WNT2B: variants seen among roughly 807,000 people sequenced by gnomAD.
WNT2B encodes the protein protein Wnt-2b.
In WNT2B, 19 loss-of-function variants were observed where a neutral mutation model predicts 40.5. The ratio of observed to expected loss-of-function variants is 0.47; its 90% confidence interval spans 0.33 to 0.69. The LOEUF is 0.69. WNT2B is among the 30% of genes least tolerant of loss of function. The pLI is 0.02. For synonymous variants in WNT2B, 220 were observed against 211.9 expected, an observed-to-expected ratio of 1.04 and a Z score of -0.33; for missense variants, 467 against 556.4, an observed-to-expected ratio of 0.84 and a Z score of 1.62.
At chr1:112,489,685 C>T (rs989294373) in intron 1 of WNT2B, among the ~76,000 whole-genome samples, 1 of 152,208 alleles carries the variant, frequency 6.6e-6, no homozygotes, top group Non-Finnish European at 1.5e-5. Flanking sequence ...GGATATATTT[C>T]CTCATCCCAT....
intron 1 of WNT2B, among the ~76,000 whole-genome samples, chr1:112,472,147 T>C (rs569028026): frequency 2.0e-5 from 3 of 152,324 alleles, no homozygotes; most frequent in Admixed American, 6.5e-5. Context: ...AAGTGAGTCT[T>C]ATAATTGCCC....
In WNT2B at chr1:112,525,240, GC is replaced by G. The variant is rs1278256912; in HGVS notation, c.*4732del. The stretch of plus-strand genomic sequence containing the variant: ...CTTAACTGGGTTAGAAAACTGGAGA[GC>G]TTTGGATTCCAGGGATGATCTCCAT... On this transcript the variant is annotated 3_prime_UTR_variant, in exon 5 of 5. Transcript: ENST00000369684. The G allele has an allele frequency of 6.6e-6, 1 of 152,234 alleles. No homozygotes were observed. Among genetic ancestry groups the G allele is most frequent in the East Asian group, 1.9e-4 (1 of 5,200 alleles). 9.4% of individuals were successfully genotyped at this position (152,234 alleles called of 1,614,324 possible). A position where few individuals can be genotyped will look rare whatever the true frequency, so the allele number is the denominator to read the frequency against.
In WNT2B at chr1:112,523,268, A is replaced by G. The variant is rs561755757; in HGVS notation, c.*2759A>G. The stretch of plus-strand genomic sequence containing the variant: ...GGGCTCCAAATTCTAGCTCATAAAG[A>G]TGCAAGTTTTGCAATTTCCTATAAA... On this transcript the variant is annotated 3_prime_UTR_variant, in exon 5 of 5. Coordinates refer to ENST00000369684, the MANE Select transcript of WNT2B (RefSeq NM_024494.3). The G allele has an allele frequency of 6.6e-6, 1 of 152,324 alleles. No homozygotes were observed. The highest frequency in any genetic ancestry group is 1.5e-5 in the Non-Finnish European group (1 of 68,050). The allele number at this position is 152,324 out of a possible 1,614,324, so 9.4% of individuals were successfully genotyped here.
At chr1:112,491,582 GAGTT>G (rs1651606544) in intron 1 of WNT2B, among the ~76,000 whole-genome samples, 1 of 151,950 alleles carries the variant, frequency 6.6e-6, no homozygotes, top group Non-Finnish European at 1.5e-5. Context: ...TAAACACAAA[GAGTT>G]AGAAGGATTG....
intron 1 of WNT2B, among the ~76,000 whole-genome samples, chr1:112,473,021 G>A (rs1650931077): frequency 7.8e-6 from 1 of 127,840 alleles, no homozygotes; most frequent in South Asian, 2.7e-4. Context: ...GAGAGAGAGA[G>A]GGAAGGAGGG....
At chr1:112,520,160 G>A in intron 4 of WNT2B, 120 bp from the exon 5 acceptor site, 1 of 926,198 alleles carries the variant, frequency 1.1e-6, no homozygotes. Flanking sequence ...GCATGAGTGA[G>A]CCACTGTGCC....
chr1:112,512,883 G>A (rs1276887858), intron 1 of WNT2B, among the ~76,000 whole-genome samples: 1 of 152,214 alleles, frequency 6.6e-6, no homozygotes, highest in East Asian at 1.9e-4. Context: ...ACTTAGTGGA[G>A]TAAGGGTGGT....
chr1:112,477,231 T>C (rs1651079577), intron 1 of WNT2B, among the ~76,000 whole-genome samples: 1 of 152,198 alleles, frequency 6.6e-6, no homozygotes, highest in East Asian at 1.9e-4. Flanking sequence ...GCTGAGGGCC[T>C]CCAGAGCCAT....
chr1:112,467,741 A>G, intron 1 of WNT2B: 1 of 607,248 alleles, frequency 1.6e-6, no homozygotes, highest in Non-Finnish European at 3.0e-6. Flanking sequence ...CGTAGTATGT[A>G]TAATGGTCAA....
chr1:112,529,802 T>C lies in WNT2B; in HGVS notation c.*9293T>C, dbSNP rs777649629. ...ACTATGCTCATTATTTTCAACCAAG[T>C]TCTATGGAGGTGGTACCTTCACAGG... On this transcript the variant is annotated 3_prime_UTR_variant, in exon 5 of 5. Transcript: ENST00000369684. 1.5e-4 allele frequency: 22 copies of C among 150,172 alleles called. No homozygotes were observed. Among genetic ancestry groups the C allele is most frequent in the Non-Finnish European group, 3.0e-4 (20 of 67,700 alleles). The allele number at this position is 150,172 out of a possible 1,614,324, so 9.3% of individuals were successfully genotyped here.
chr1:112,525,832 G>C lies in WNT2B; in HGVS notation c.*5323G>C, dbSNP rs571596102. The stretch of plus-strand genomic sequence containing the variant: ...TCATCTACAGTTGTCCTTTTTGACA[G>C]CTTCCAAGGGGGGTTTGCCTAGGAA... On this transcript the variant is annotated 3_prime_UTR_variant, in exon 5 of 5. Transcript: ENST00000369684. 5 of 728,440 alleles carry C rather than the reference G, an allele frequency of 6.9e-6. No individual in the cohort carries two copies. The highest frequency in any genetic ancestry group is 5.8e-5 in the East Asian group (2 of 34,278). 45.1% of individuals were successfully genotyped at this position (728,440 alleles called of 1,614,324 possible).
chr1:112,529,158 GTGTGTGTGTT>G lies in WNT2B; in HGVS notation c.*8657_*8666del, dbSNP rs1570842308. On this transcript the variant is annotated 3_prime_UTR_variant, in exon 5 of 5. Transcript: ENST00000369684. Reference sequence around the variant, plus strand: ...GGTCTGACCCAGTGTGGCACTGAGTGTGTGTGTGTTTGTGTGTTTGTGTGTGTGTGTACAC... The same window carrying G: ...GGTCTGACCCAGTGTGGCACTGAGTGTGTGTGTTTGTGTGTGTGTGTACAC... 1 of 152,122 alleles carries G rather than the reference GTGTGTGTGTT, an allele frequency of 6.6e-6. No individual in the cohort carries two copies. Among genetic ancestry groups the G allele is most frequent in the Non-Finnish European group, 1.5e-5 (1 of 68,028 alleles). 9.4% of individuals were successfully genotyped at this position (152,122 alleles called of 1,614,324 possible).
At chr1:112,519,830 T>C (rs1453362257) in intron 4 of WNT2B, among the ~76,000 whole-genome samples, 2 of 151,698 alleles carry the variant, frequency 1.3e-5, no homozygotes, top group Non-Finnish European at 2.9e-5. Context: ...GTGGTAGAAC[T>C]GGGATTTGAA....
intron 1 of WNT2B, among the ~76,000 whole-genome samples, chr1:112,485,351 C>T (rs1471446094): frequency 6.6e-6 from 1 of 151,536 alleles, no homozygotes; most frequent in Non-Finnish European, 1.5e-5. Context: ...ATCCCAGGTA[C>T]ACAGGAGGCT....
At chr1:112,484,757 G>T (rs1427529982) in intron 1 of WNT2B, among the ~76,000 whole-genome samples, 2 of 150,964 alleles carry the variant, frequency 1.3e-5, no homozygotes, top group East Asian at 3.9e-4. Context: ...AAAAAAAAAG[G>T]TTTATTTCTT....
In WNT2B at chr1:112,525,116, T is replaced by A. The variant is rs1653198166; in HGVS notation, c.*4607T>A. On this transcript the variant is annotated 3_prime_UTR_variant, in exon 5 of 5. Transcript: ENST00000369684. ...CTGGTTCATGCCAGAGATAGTGAGA[T>A]GTGCACCCTATGTGCTGAGAATGAT... The A allele has an allele frequency of 6.6e-6, 1 of 152,216 alleles. No individual in the cohort carries two copies. Among genetic ancestry groups the A allele is most frequent in the East Asian group, 1.9e-4 (1 of 5,204 alleles). The allele number at this position is 152,216 out of a possible 1,614,324, so 9.4% of individuals were successfully genotyped here.
chr1:112,469,344 A>G (rs550188115), intron 1 of WNT2B, among the ~76,000 whole-genome samples: 1 of 152,252 alleles, frequency 6.6e-6, no homozygotes, highest in South Asian at 2.1e-4. Context: ...TACAAATTTT[A>G]GTATTTTTTT....
Position 112,480,560 on chromosome 1 carries a change from A to AAAAAAT in WNT2B, c.-95+12972_-95+12977dup, listed in dbSNP as rs201095963. Among the ~76,000 whole-genome samples, 1,351 of 152,202 alleles carry AAAAAAT rather than the reference A, an allele frequency of 8.9e-3. 17 individuals are homozygous for AAAAAAT. The highest frequency in any genetic ancestry group is 0.031 in the African/African-American group (1,290 of 41,530). On this transcript the variant is annotated intron_variant, in intron 1 of 4. Transcript: ENST00000256640. ...AAATAGAAAGCCTGAACAGACCAATAAAAAATAAGGCAACTGAATCAGTAC... is the reference window on the plus strand; with the variant it reads ...AAATAGAAAGCCTGAACAGACCAATAAAAAATAAAAATAAGGCAACTGAATCAGTAC...
At chr1:112,514,061 C>T (rs1652443086) in intron 1 of WNT2B, among the ~76,000 whole-genome samples, 1 of 152,128 alleles carries the variant, frequency 6.6e-6, no homozygotes, top group African/African-American at 2.4e-5. Context: ...CTTTAGTAGC[C>T]CATCTCAATT....
Sources: allele counts gnomAD v4.1 joint callset (sites outside exome capture counted in the v4.1 genomes callset), GRCh38; gene constraint gnomAD v4.1.1; transcripts MANE v1.5; gene names NCBI Gene and HGNC (gene_info 2026-07-23, HGNC 2026-07-21).